The following CXorf58 variants were observed in gnomAD, a reference collection of about 807,000 sequenced individuals.
CXorf58 encodes uncharacterized protein CXorf58.
A neutral mutation model predicts 26.0 loss-of-function variants in CXorf58; 24 were observed. The observed-to-expected ratio is 0.92, with a 90% CI of 0.67 to 1.30. The LOEUF (loss-of-function observed/expected upper bound fraction) is 1.30, where lower values mean the gene tolerates loss of function less well. Among genes scored for constraint, CXorf58 ranks in the 50% most tolerant of loss-of-function variants. CXorf58 has a pLI of 0.00. For missense variants in CXorf58, 236 were observed against 263.9 expected, an observed-to-expected ratio of 0.89 and a Z score of 0.73; for synonymous variants, 87 against 86.1, an observed-to-expected ratio of 1.01 and a Z score of -0.06.
intron 5 of CXorf58, among the ~76,000 whole-genome samples, chrX:23,916,903 A>AT (rs1303993893): frequency 9.1e-6 from 1 of 109,777 alleles, no homozygotes; most frequent in Non-Finnish European, 1.9e-5. Flanking sequence ...AAAAAAAAAA[A>AT]GACTAAAATT....
intron 2 of CXorf58, among the ~76,000 whole-genome samples, 199 bp downstream of exon 2, chrX:23,910,617 A>G (rs148855769): frequency 9.8e-5 from 11 of 111,848 alleles, no homozygotes; most frequent in African/African-American, 3.6e-4. Context: ...ATCCTGATAC[A>G]ACCTTGTGAA....
intron 7 of CXorf58, among the ~76,000 whole-genome samples, chrX:23,935,896 C>T (rs1328069676): frequency 9.0e-6 from 1 of 110,572 alleles, no homozygotes; most frequent in Non-Finnish European, 1.9e-5. Context: ...CCTCAGCCTC[C>T]TGAGTAGCTG....
At chrX:23,911,303 T>C (rs1927571921) in intron 2 of CXorf58, among the ~76,000 whole-genome samples, 3 of 111,385 alleles carry the variant, frequency 2.7e-5, no homozygotes, top group South Asian at 7.5e-4. Flanking sequence ...TTTCTTTTTC[T>C]AGGGCATAGT....
intron 5 of CXorf58, among the ~76,000 whole-genome samples, chrX:23,917,800 A>C (rs1780753849): frequency 8.9e-6 from 1 of 112,242 alleles, no homozygotes; most frequent in East Asian, 2.8e-4. Flanking sequence ...TCTTGTTAAA[A>C]TGCTGCCGCT....
rs1384946988 is a variant in CXorf58, at chrX:23,939,324, C to G, written c.*21C>G. 24 of 1,108,305 alleles carry G rather than the reference C, an allele frequency of 2.2e-5. No individual in the cohort carries two copies. The highest frequency in any genetic ancestry group is 2.7e-5 in the Non-Finnish European group (22 of 814,548). 91.3% of individuals were successfully genotyped at this position (1,108,305 alleles called of 1,213,427 possible). ...TTTGACATTGTGAAAACTAAGGAAT[C>G]TATGTCAGAGTGTCAGCTGGAAAAA... is the stretch of plus-strand genomic sequence containing the variant. On this transcript the variant is annotated 3_prime_UTR_variant, in exon 9 of 9. Transcript: ENST00000379211.
intron 4 of CXorf58, 115 bp downstream of exon 4, chrX:23,915,909 G>C (rs1927708455): frequency 2.1e-6 from 1 of 481,094 alleles, no homozygotes; most frequent in African/African-American, 2.4e-5. Context: ...AAGTAAATGT[G>C]TTATTCTTAT....
At chrX:23,933,489 T>C (rs1928216764) in intron 6 of CXorf58, among the ~76,000 whole-genome samples, 1 of 111,870 alleles carries the variant, frequency 8.9e-6, no homozygotes. Context: ...AGGAAAATAG[T>C]GAAAATCTCC....
rs749826744 is a variant in CXorf58, at chrX:23,921,348, T to C, written c.423+5020T>C. On this transcript the variant is annotated intron_variant, in intron 5 of 8. Coordinates refer to ENST00000379211, the MANE Select transcript of CXorf58 (RefSeq NM_152761.3). ...ACTTTCACTCTCCTGGGGTAGTCAT[T>C]GTTAATGGTTTGCTGTGTATCCTTC... Among the ~76,000 whole-genome samples the C allele has an allele frequency of 1.2e-4, 14 of 112,395 alleles. No individual in the cohort carries two copies. The South Asian group carries it at 5.2e-3, about 42-fold the overall frequency.
intron 6 of CXorf58, among the ~76,000 whole-genome samples, chrX:23,929,848 T>G (rs1275514483): frequency 9.0e-6 from 1 of 111,653 alleles, no homozygotes; most frequent in African/African-American, 3.3e-5. Context: ...GCTGGTAACT[T>G]TAACTTAAAG....
intron 1 of CXorf58, among the ~76,000 whole-genome samples, chrX:23,909,426 C>T (rs1250235555): frequency 3.6e-5 from 4 of 111,511 alleles, no homozygotes; most frequent in South Asian, 3.7e-4. Context: ...TATTTATGCT[C>T]GTTACTACAA....
chrX:23,926,085 G>A (rs1020005643), intron 5 of CXorf58, among the ~76,000 whole-genome samples: 1 of 110,563 alleles, frequency 9.0e-6, no homozygotes, highest in Non-Finnish European at 1.9e-5. Flanking sequence ...CACCACGCCC[G>A]CCCTGAATTT....
At chrX:23,938,789 A>G in intron 8 of CXorf58, 89 bp downstream of exon 8, 1 of 641,290 alleles carries the variant, frequency 1.6e-6, no homozygotes, top group Non-Finnish European at 2.3e-6. Flanking sequence ...AAATTTTCCT[A>G]ATCTAAAGTT....
chrX:23,918,418 A>G (rs2147068153), intron 5 of CXorf58, among the ~76,000 whole-genome samples: 1 of 112,228 alleles, frequency 8.9e-6, no homozygotes, highest in Non-Finnish European at 1.9e-5. Flanking sequence ...TTGCTTCAAC[A>G]AACAAAAAAA....
rs1161574827 is a variant in CXorf58 at position 23,939,404 on chromosome X, C to T, written c.*101C>T. On this transcript the variant is annotated 3_prime_UTR_variant, in exon 9 of 9. Transcript: ENST00000379211. ...AACTTGGCAGCTGGTGATTCTCCAT[C>T]ATGATAATGAACAGTTAATTGACAG... The T allele has an allele frequency of 7.0e-6, 4 of 572,740 alleles. No homozygotes were observed. In the East Asian group the frequency reaches 1.4e-4, roughly 20 times the overall value. The allele number at this position is 572,740 out of a possible 1,213,427, so 47.2% of individuals were successfully genotyped here. A position where few individuals can be genotyped will look rare whatever the true frequency, so the allele number is the denominator to read the frequency against.
chrX:23,923,411 C>T (rs1415908485), intron 5 of CXorf58, among the ~76,000 whole-genome samples: 4 of 108,380 alleles, frequency 3.7e-5, no homozygotes, highest in East Asian at 5.8e-4. Flanking sequence ...CTAAGGTGGG[C>T]GGATCACTTG....
intron 6 of CXorf58, among the ~76,000 whole-genome samples, chrX:23,929,995 A>C (rs184748914): frequency 4.8e-4 from 53 of 110,099 alleles, no homozygotes; most frequent in Non-Finnish European, 9.1e-4. Context: ...CAGGAGATCG[A>C]GACCATCCTG....
intron 5 of CXorf58, among the ~76,000 whole-genome samples, chrX:23,919,465 T>C (rs969582918): frequency 8.9e-6 from 1 of 112,555 alleles, no homozygotes; most frequent in Non-Finnish European, 1.9e-5. Context: ...ATCTGATAGG[T>C]TTCTGAATTC....
intron 5 of CXorf58, 88 bp from the exon 6 acceptor site, chrX:23,927,151 G>C: frequency 1.8e-6 from 1 of 564,597 alleles, no homozygotes; most frequent in Admixed American, 3.9e-5. Context: ...AATATTTGAT[G>C]TATTTGTCAG....
chrX:23,937,527 C>G (rs1208851611), intron 7 of CXorf58, among the ~76,000 whole-genome samples: 1 of 107,851 alleles, frequency 9.3e-6, no homozygotes, highest in Admixed American at 1.0e-4. Flanking sequence ...CTGGTTCAAG[C>G]GATTCTCCTG....
Sources: allele counts gnomAD v4.1 joint callset (sites outside exome capture counted in the v4.1 genomes callset), GRCh38; gene constraint gnomAD v4.1.1; transcripts MANE v1.5; gene names NCBI Gene and HGNC (gene_info 2026-07-23, HGNC 2026-07-21).